ANTXR2: variants seen among roughly 807,000 people sequenced by gnomAD.
ANTXR2 encodes ANTXR cell adhesion molecule 2.
In ANTXR2, 44 loss-of-function variants were observed where a neutral mutation model predicts 73.7. The ratio of observed to expected loss-of-function variants is 0.60; its 90% CI spans 0.47 to 0.77. The LOEUF (loss-of-function observed/expected upper bound fraction) is 0.77. Ranked by LOEUF, ANTXR2 falls within the 30% of genes least tolerant of loss-of-function variation. The probability of loss-of-function intolerance (pLI) is 0.00; values close to 1 mark genes in which losing one functional copy is unlikely to be tolerated. For missense variants in ANTXR2, 604 were observed against 592.5 expected (o/e 1.02, Z -0.20); for synonymous variants, 217 against 205.9 (o/e 1.05, Z -0.46).
At chr4:79,917,204 G>A (rs1032740896) in intron 16 of ANTXR2, among the ~76,000 whole-genome samples, 2 of 152,104 alleles carry the variant, frequency 1.3e-5, no homozygotes, top group Non-Finnish European at 2.9e-5. Context: ...TCAACTGAAG[G>A]CTGGGAGAAA....
At chr4:80,012,794 T>C (rs933958507) in intron 11 of ANTXR2, among the ~76,000 whole-genome samples, 2 of 152,202 alleles carry the variant, frequency 1.3e-5, no homozygotes, top group African/African-American at 4.8e-5. Flanking sequence ...GTTACACTCA[T>C]CAAACCATGC....
chr4:80,069,768 A>G (rs1376142557), intron 2 of ANTXR2, among the ~76,000 whole-genome samples: 1 of 152,208 alleles, frequency 6.6e-6, no homozygotes, highest in African/African-American at 2.4e-5. Flanking sequence ...ACTAACTGGA[A>G]AGATAAATTC....
intron 16 of ANTXR2, among the ~76,000 whole-genome samples, chr4:79,956,420 A>G (rs773044845): frequency 8.5e-5 from 13 of 152,112 alleles, no homozygotes; most frequent in Non-Finnish European, 1.3e-4. Context: ...AAATGACAGC[A>G]TGGAATAACG....
chr4:79,915,513 CTTTAG>C (rs982491251), intron 16 of ANTXR2, among the ~76,000 whole-genome samples: 11 of 152,200 alleles, frequency 7.2e-5, no homozygotes, highest in African/African-American at 2.2e-4. Flanking sequence ...AACAACTGCA[CTTTAG>C]TTTAGACTTT....
At chr4:79,922,239 C>A (rs1434398050) in intron 16 of ANTXR2, among the ~76,000 whole-genome samples, 1 of 152,024 alleles carries the variant, frequency 6.6e-6, no homozygotes, top group Non-Finnish European at 1.5e-5. Flanking sequence ...TCATTCATAG[C>A]CACAGGGATT....
intron 16 of ANTXR2, among the ~76,000 whole-genome samples, chr4:79,943,701 A>T (rs1402038277): frequency 6.8e-6 from 1 of 146,616 alleles, no homozygotes; most frequent in East Asian, 2.1e-4. Context: ...TAACCTGCAC[A>T]ATGTGCACAT....
At chr4:80,008,464 C>CTTACT (rs1328588728) in intron 12 of ANTXR2, 57 bp downstream of exon 12, 49 of 1,381,796 alleles carry the variant, frequency 3.5e-5, no homozygotes, top group Non-Finnish European at 4.6e-5. Flanking sequence ...TATTTCAGAC[C>CTTACT]TTACTTTACA....
Position 80,057,868 on chromosome 4 carries a change from G to GT in ANTXR2, c.297-1856dup, listed in dbSNP as rs1266669161. ...TACTTATTATAATGTCATTTGCAAA[G>GT]TAAGTGTTCAATAAATTTTTCAATA... On this transcript the variant is annotated intron_variant, in intron 3 of 16. Coordinates refer to ENST00000403729, the MANE Select transcript of ANTXR2 (RefSeq NM_058172.6). Among the ~76,000 whole-genome samples, 3 of 152,042 alleles carry GT rather than the reference G, an allele frequency of 2.0e-5. No individual in the cohort carries two copies. The East Asian group carries it at 5.8e-4, about 29-fold the overall frequency.
At chr4:79,934,755 G>C (rs1027289840) in intron 16 of ANTXR2, among the ~76,000 whole-genome samples, 1 of 149,742 alleles carries the variant, frequency 6.7e-6, no homozygotes, top group African/African-American at 2.5e-5. Flanking sequence ...ATCTGAACTG[G>C]AAAATAGTTT....
chr4:79,982,436 G>C (rs1729931642), intron 14 of ANTXR2, among the ~76,000 whole-genome samples: 1 of 151,992 alleles, frequency 6.6e-6, no homozygotes, highest in Non-Finnish European at 1.5e-5. Flanking sequence ...AAAATAAGTT[G>C]TTACAGATCG....
rs1734876434 is a variant in ANTXR2 at position 80,072,761 on chromosome 4, G to A, written c.-201C>T. The A allele has an allele frequency of 1.6e-6, 2 of 1,260,768 alleles. No individual in the cohort carries two copies. Among genetic ancestry groups the A allele is most frequent in the Non-Finnish European group, 2.0e-6 (2 of 997,082 alleles). 78.1% of individuals were successfully genotyped at this position (1,260,768 alleles called of 1,614,324 possible). Reference sequence around the variant, plus strand: ...TCCTGAGAGGACAAAGGGAGTCTCCGCCACCGCCGCAGCTGCCGCCGGAAC... The same window carrying A: ...TCCTGAGAGGACAAAGGGAGTCTCCACCACCGCCGCAGCTGCCGCCGGAAC... On this transcript the variant is annotated 5_prime_UTR_variant, in exon 1 of 17. Coordinates refer to ENST00000403729, the MANE Select transcript of ANTXR2 (RefSeq NM_058172.6).
intron 8 of ANTXR2, among the ~76,000 whole-genome samples, chr4:80,033,836 G>A (rs148910948): frequency 1.6e-3 from 240 of 151,904 alleles, no homozygotes; most frequent in African/African-American, 5.5e-3. Flanking sequence ...TAGTGACCAA[G>A]GTATAGAACA....
chr4:79,977,474 A>G lies in ANTXR2; in HGVS notation c.1428+147T>C, dbSNP rs565554362. 28 of 1,422,342 alleles carry G rather than the reference A, an allele frequency of 2.0e-5. No homozygotes were observed. The South Asian group carries it at 4.1e-4, about 21-fold the overall frequency. 88.1% of individuals were successfully genotyped at this position (1,422,342 alleles called of 1,614,324 possible). ...TCTAACAATAGGTAATTTATAGACAATTCTATGTAATAGAAATCTACACTT... is the reference window on the plus strand; with the variant it reads ...TCTAACAATAGGTAATTTATAGACAGTTCTATGTAATAGAAATCTACACTT... On this transcript the variant is annotated intron_variant, in intron 16 of 16. Coordinates refer to ENST00000403729, the MANE Select transcript of ANTXR2 (RefSeq NM_058172.6).
chr4:80,002,481 A>G (rs1731094761), intron 12 of ANTXR2, among the ~76,000 whole-genome samples: 1 of 152,166 alleles, frequency 6.6e-6, no homozygotes, highest in Non-Finnish European at 1.5e-5. Context: ...AGGCATTACC[A>G]TTCAGGACAT....
chr4:79,997,051 G>C (rs373165558), intron 12 of ANTXR2, among the ~76,000 whole-genome samples: 9 of 150,554 alleles, frequency 6.0e-5, no homozygotes, highest in African/African-American at 9.7e-5. Context: ...GTTTGGAAGA[G>C]AGCCGATTTC....
chr4:80,065,637 T>C (rs771524851), intron 3 of ANTXR2, among the ~76,000 whole-genome samples: 4 of 152,230 alleles, frequency 2.6e-5, no homozygotes, highest in Admixed American at 6.5e-5. Flanking sequence ...GGCATGTTTA[T>C]TACTTTATTC....
chr4:79,931,507 C>G (rs538296202), intron 16 of ANTXR2, among the ~76,000 whole-genome samples: 10 of 151,988 alleles, frequency 6.6e-5, no homozygotes, highest in Non-Finnish European at 1.3e-4. Flanking sequence ...ACCCCACCCC[C>G]ACTCCAACTT....
At chr4:79,995,060 C>A (rs1265351501) in intron 12 of ANTXR2, among the ~76,000 whole-genome samples, 1 of 151,964 alleles carries the variant, frequency 6.6e-6, no homozygotes, top group Non-Finnish European at 1.5e-5. Flanking sequence ...AGTAGCCCAC[C>A]AACTCCCTGT....
intron 12 of ANTXR2, among the ~76,000 whole-genome samples, chr4:79,988,227 TTTTATATATATA>T: frequency 1.1e-5 from 1 of 90,482 alleles, no homozygotes; most frequent in Non-Finnish European, 2.1e-5. Context: ...CTCACATAAA[TTTTATATATATA>T]TATATATATA....
Sources: gnomAD v4.1 joint callset for allele counts (sites outside exome capture counted in the v4.1 genomes callset) on GRCh38, gnomAD v4.1.1 for gene constraint, MANE v1.5 for transcripts, NCBI Gene and HGNC (gene_info 2026-07-23, HGNC 2026-07-21) for gene names.